The following C12orf56 variants were observed in gnomAD, a reference collection of about 807,000 sequenced individuals.
C12orf56 encodes uncharacterized protein C12orf56.
Under a neutral mutation model 69.9 loss-of-function variants are expected in C12orf56, and 71 were observed. The observed-to-expected ratio is 1.02, with a 90% CI of 0.84 to 1.24. The LOEUF (loss-of-function observed/expected upper bound fraction) is 1.24. Ranked by LOEUF, C12orf56 falls within the 50% of genes most tolerant of loss-of-function variation. The pLI, the probability that C12orf56 is intolerant of heterozygous loss-of-function variation, is 0.00. For missense variants in C12orf56, 732 were observed against 738.5 expected (o/e 0.99, Z 0.10); for synonymous variants, 276 against 274.1 (o/e 1.01, Z -0.07).
At chr12:64,323,394 A>G (rs1256265357) in intron 3 of C12orf56, among the ~76,000 whole-genome samples, 1 of 152,206 alleles carries the variant, frequency 6.6e-6, no homozygotes, top group Non-Finnish European at 1.5e-5. Flanking sequence ...GTCTGTATCT[A>G]TATCTTTATA....
At chr12:64,358,342 C>T (rs2039348909) in intron 1 of C12orf56, among the ~76,000 whole-genome samples, 2 of 151,574 alleles carry the variant, frequency 1.3e-5, no homozygotes, top group Non-Finnish European at 2.9e-5. Flanking sequence ...CCTGTAATCC[C>T]AGCTACTCAG....
chr12:64,361,785 T>G (rs56300238), intron 1 of C12orf56, among the ~76,000 whole-genome samples: 42,743 of 151,572 alleles, frequency 0.28, 6,276 homozygotes, highest in Middle Eastern at 0.47. Flanking sequence ...CAGGCTGGAG[T>G]GCAATGGCAC....
At chr12:64,303,905 T>A in intron 5 of C12orf56, 126 bp from the exon 6 acceptor site, 2 of 1,130,320 alleles carry the variant, frequency 1.8e-6, no homozygotes, top group Non-Finnish European at 2.4e-6. Flanking sequence ...AGTTTTATTC[T>A]CCTAGCCTTA....
chr12:64,274,847 G>A, intron 11 of C12orf56, 54 bp downstream of exon 11: 3 of 1,353,420 alleles, frequency 2.2e-6, no homozygotes, highest in Non-Finnish European at 2.1e-6. Flanking sequence ...AAGCACAAGA[G>A]TATCTGTTTA....
chr12:64,269,324 A>C (rs920541253), intron 12 of C12orf56, among the ~76,000 whole-genome samples: 2 of 152,158 alleles, frequency 1.3e-5, no homozygotes, highest in African/African-American at 4.8e-5. Flanking sequence ...GGTGCTATGC[A>C]GGGCTGCACT....
chr12:64,380,153 A>C (rs1164911511), intron 1 of C12orf56, among the ~76,000 whole-genome samples: 2 of 148,468 alleles, frequency 1.3e-5, no homozygotes, highest in Non-Finnish European at 3.0e-5. Flanking sequence ...ACAAAAAAAA[A>C]CGCACAATGC....
At chr12:64,389,428 G>A (rs2039837778) in intron 1 of C12orf56, 10 of 152,242 alleles carry the variant, frequency 6.6e-5, no homozygotes, top group Admixed American at 6.5e-4. Flanking sequence ...AGCCGCCTGA[G>A]ATTGCCAAGC....
Position 64,338,751 on chromosome 12 carries a change from T to C in C12orf56, c.416-7719A>G, listed in dbSNP as rs1448279242. 11 of 1,458,180 alleles carry C rather than the reference T, an allele frequency of 7.5e-6. No individual in the cohort carries two copies. The Admixed American group carries it at 1.7e-4, about 22-fold the overall frequency. 90.3% of individuals were successfully genotyped at this position (1,458,180 alleles called of 1,614,324 possible). ...GCTTCTTGTTCAATGAAAGCCATCA[T>C]ATGCTTTATCTGCTTTTGCATGTCA... is the stretch of plus-strand genomic sequence containing the variant. On this transcript the variant is annotated intron_variant, in intron 2 of 12. Transcript: ENST00000543942.
chr12:64,330,785 T>C (rs1043074158), intron 3 of C12orf56, among the ~76,000 whole-genome samples, 175 bp downstream of exon 3: 2 of 152,250 alleles, frequency 1.3e-5, no homozygotes, highest in Admixed American at 6.5e-5. Flanking sequence ...ACTATTTAAC[T>C]GATTTGAATT....
In C12orf56 at chr12:64,368,110, G is replaced by GT. The variant is rs376783220; in HGVS notation, c.253-15055dup. On this transcript the variant is annotated intron_variant, in intron 1 of 12. Transcript: ENST00000543942. ...GGTGTGAGCCACTGCGCCTGGCCTT[G>GT]TTTTTTTGAGACCAGGTCTTGCTCT... 1.3e-3 allele frequency among the ~76,000 whole-genome samples: 193 copies of GT among 151,974 alleles called. 1 individual carries two copies. Among genetic ancestry groups the GT allele is most frequent in the African/African-American group, 4.5e-3 (185 of 41,480 alleles).
At chr12:64,297,785 C>T (rs1037626415) in intron 6 of C12orf56, among the ~76,000 whole-genome samples, 2 of 152,158 alleles carry the variant, frequency 1.3e-5, no homozygotes, top group African/African-American at 2.4e-5. Context: ...CAGTCTATCA[C>T]TGATGGACAT....
chr12:64,342,284 G>A (rs1244234833), intron 2 of C12orf56, among the ~76,000 whole-genome samples: 4 of 152,168 alleles, frequency 2.6e-5, no homozygotes, highest in Admixed American at 6.5e-5. Flanking sequence ...CATGCAAAGC[G>A]CACATCCAGG....
intron 12 of C12orf56, among the ~76,000 whole-genome samples, chr12:64,269,543 TG>T (rs1275472398): frequency 5.3e-5 from 8 of 152,258 alleles, no homozygotes; most frequent in Middle Eastern, 3.4e-3. Flanking sequence ...ATAACTCAAT[TG>T]TAAGTCACAA....
intron 11 of C12orf56, among the ~76,000 whole-genome samples, chr12:64,271,553 A>T (rs1459045872): frequency 6.6e-6 from 1 of 152,210 alleles, no homozygotes; most frequent in African/African-American, 2.4e-5. Context: ...AGGTCACACT[A>T]CACACCCATT....
intron 4 of C12orf56, 141 bp downstream of exon 4, chr12:64,318,434 G>A: frequency 1.4e-6 from 1 of 721,240 alleles, no homozygotes; most frequent in Non-Finnish European, 2.2e-6. Context: ...TAATTGTTCA[G>A]TACATTTTGT....
chr12:64,269,170 A>G (rs4329762), intron 12 of C12orf56, among the ~76,000 whole-genome samples: 105,567 of 150,138 alleles, frequency 0.7, 38,338 homozygotes, highest in Non-Finnish European at 0.8. Context: ...ATTGGACTGT[A>G]GTTTTTTTTT....
At chr12:64,358,509 C>CATCATCATCATCATCATCA in intron 1 of C12orf56, among the ~76,000 whole-genome samples, 1 of 135,156 alleles carries the variant, frequency 7.4e-6, no homozygotes, top group Admixed American at 7.9e-5. Context: ...TCATCATCAT[C>CATCATCATCATCATCATCA]TTGGCCAGGC....
At chr12:64,333,748 C>T (rs563105340) in intron 2 of C12orf56, among the ~76,000 whole-genome samples, 88 of 152,344 alleles carry the variant, frequency 5.8e-4, no homozygotes, top group African/African-American at 1.9e-3. Flanking sequence ...GTGATCCGCC[C>T]ACCTTGGCCT....
At chr12:64,376,431 T>A (rs1004799586) in intron 1 of C12orf56, among the ~76,000 whole-genome samples, 1 of 152,212 alleles carries the variant, frequency 6.6e-6, no homozygotes. Context: ...TAAAGATGTG[T>A]TTGAGCCTAG....
Sources: gnomAD v4.1 joint callset for allele counts (sites outside exome capture counted in the v4.1 genomes callset) on GRCh38, gnomAD v4.1.1 for gene constraint, MANE v1.5 for transcripts, NCBI Gene and HGNC (gene_info 2026-07-23, HGNC 2026-07-21) for gene names.